VAV3: variants seen among roughly 807,000 people sequenced by gnomAD.
VAV3 encodes the protein vav guanine nucleotide exchange factor 3.
Under a neutral mutation model 131.2 loss-of-function variants are expected in VAV3, and 94 were observed. The observed-to-expected ratio is 0.72, with a 90% confidence interval of 0.61 to 0.85. The LOEUF (loss-of-function observed/expected upper bound fraction) is 0.85, where lower values mean the gene tolerates loss of function less well. Ranked by LOEUF, VAV3 falls within the 40% of genes least tolerant of loss-of-function variation. VAV3 has a pLI of 0.00. For synonymous variants in VAV3, 349 were observed against 342.0 expected (o/e 1.02, Z -0.22); for missense variants, 939 against 1,002.7 (o/e 0.94, Z 0.86).
intron 15 of VAV3, among the ~76,000 whole-genome samples, chr1:107,734,551 C>G (rs10881481): frequency 0.67 from 101,075 of 151,412 alleles, 34,360 homozygotes; most frequent in East Asian, 0.97. Context: ...AAAAGCAGGC[C>G]TTGCAATCCT....
chr1:107,638,918 A>T (rs1370985640), intron 20 of VAV3, among the ~76,000 whole-genome samples: 1 of 152,078 alleles, frequency 6.6e-6, no homozygotes, highest in Non-Finnish European at 1.5e-5. Flanking sequence ...ATATAGATAC[A>T]CACACATATA....
chr1:107,636,991 G>A (rs971707309), intron 20 of VAV3, among the ~76,000 whole-genome samples: 14 of 152,014 alleles, frequency 9.2e-5, no homozygotes, highest in African/African-American at 3.1e-4. Flanking sequence ...ATAAAAATCA[G>A]AGCAGAAATC....
chr1:107,816,130 G>A (rs1296541615), intron 2 of VAV3, among the ~76,000 whole-genome samples: 2 of 152,128 alleles, frequency 1.3e-5, no homozygotes, highest in Non-Finnish European at 2.9e-5. Flanking sequence ...CATGGACCTG[G>A]TACTTGTCTG....
At chr1:107,622,579 A>T (rs531088786) in intron 20 of VAV3, among the ~76,000 whole-genome samples, 14 of 152,304 alleles carry the variant, frequency 9.2e-5, no homozygotes, top group African/African-American at 3.4e-4. Flanking sequence ...AATAGCACTG[A>T]ACAATTTGAA....
intron 2 of VAV3, among the ~76,000 whole-genome samples, chr1:107,796,491 A>C (rs994370343): frequency 6.6e-6 from 1 of 152,160 alleles, no homozygotes; most frequent in Admixed American, 6.5e-5. Flanking sequence ...TTGATGATAG[A>C]TTATAGATTC....
intron 1 of VAV3, among the ~76,000 whole-genome samples, chr1:107,944,273 A>C (rs1436404558): frequency 6.6e-6 from 1 of 152,198 alleles, no homozygotes; most frequent in Non-Finnish European, 1.5e-5. Flanking sequence ...TGGAGACATG[A>C]CCTACTCTGC....
intron 15 of VAV3, among the ~76,000 whole-genome samples, chr1:107,710,221 T>C (rs116116311): frequency 0.01 from 1,575 of 152,304 alleles, 29 homozygotes; most frequent in Middle Eastern, 0.061. Flanking sequence ...TATGACATCA[T>C]GCTGTCTCAT....
intron 9 of VAV3, 89 bp downstream of exon 9, chr1:107,764,987 G>A: frequency 1.3e-6 from 1 of 767,274 alleles, no homozygotes; most frequent in Non-Finnish European, 2.1e-6. Flanking sequence ...AAAATAATGG[G>A]AAATGTACTG....
chr1:107,677,393 C>T (rs1445636124), intron 19 of VAV3, among the ~76,000 whole-genome samples: 3 of 152,122 alleles, frequency 2.0e-5, no homozygotes, highest in Non-Finnish European at 2.9e-5. Flanking sequence ...AATCATCTGC[C>T]TCTCAGAGGT....
At chr1:107,607,144 T>A (rs1351371626) in intron 22 of VAV3, among the ~76,000 whole-genome samples, 1 of 151,728 alleles carries the variant, frequency 6.6e-6, no homozygotes, top group Non-Finnish European at 1.5e-5. Flanking sequence ...TTAGTAGAGA[T>A]GGGGTTTCAC....
intron 9 of VAV3, among the ~76,000 whole-genome samples, chr1:107,762,543 G>A (rs1245926443): frequency 6.6e-6 from 1 of 152,104 alleles, no homozygotes; most frequent in Non-Finnish European, 1.5e-5. Flanking sequence ...AAGTTACATT[G>A]TTAATATTAC....
chr1:107,915,290 T>C (rs997729798), intron 1 of VAV3, among the ~76,000 whole-genome samples: 7 of 152,218 alleles, frequency 4.6e-5, no homozygotes, highest in African/African-American at 1.7e-4. Context: ...AAAGCCTCAA[T>C]CAGTAGTGGG....
chr1:107,808,147 A>G (rs1274923900), intron 2 of VAV3, among the ~76,000 whole-genome samples: 3 of 152,182 alleles, frequency 2.0e-5, no homozygotes, highest in African/African-American at 7.2e-5. Flanking sequence ...CTTTGCTGAC[A>G]TATTTCTCAA....
At chr1:107,625,254 C>CTTTTTTTTTTT (rs11331254) in intron 20 of VAV3, among the ~76,000 whole-genome samples, 1 of 124,356 alleles carries the variant, frequency 8.0e-6, no homozygotes. Flanking sequence ...GTAATTTAAT[C>CTTTTTTTTTTT]TTTTTTTTTT....
At chr1:107,945,310 AT>A (rs1462835233) in intron 1 of VAV3, among the ~76,000 whole-genome samples, 3 of 152,230 alleles carry the variant, frequency 2.0e-5, no homozygotes, top group Admixed American at 1.3e-4. Context: ...ACACCTACAT[AT>A]TTAATTTCAG....
At chr1:107,676,992 A>G (rs1658256766) in intron 19 of VAV3, among the ~76,000 whole-genome samples, 1 of 152,214 alleles carries the variant, frequency 6.6e-6, no homozygotes, top group East Asian at 1.9e-4. Context: ...CCTATATAGA[A>G]GAAAATGAAT....
intron 20 of VAV3, among the ~76,000 whole-genome samples, chr1:107,634,000 C>T (rs1009630764): frequency 2.6e-5 from 4 of 151,954 alleles, no homozygotes; most frequent in African/African-American, 9.7e-5. Context: ...ATAATAATCA[C>T]AAAACTGGGT....
chr1:107,945,971 T>C (rs1674242145), intron 1 of VAV3, among the ~76,000 whole-genome samples: 1 of 151,828 alleles, frequency 6.6e-6, no homozygotes, highest in African/African-American at 2.4e-5. Flanking sequence ...GTGTGATAAA[T>C]TCTGGGAATG....
intron 15 of VAV3, among the ~76,000 whole-genome samples, chr1:107,722,884 G>A (rs1282569427): frequency 9.9e-6 from 1 of 101,106 alleles, no homozygotes; most frequent in Non-Finnish European, 1.9e-5. Context: ...TCTAATCATT[G>A]CATTCATAGT....
Sources: gnomAD v4.1 joint callset for allele counts (sites outside exome capture counted in the v4.1 genomes callset) on GRCh38, gnomAD v4.1.1 for gene constraint, MANE v1.5 for transcripts, NCBI Gene and HGNC (gene_info 2026-07-23, HGNC 2026-07-21) for gene names.